The following VANGL1 variants were observed in gnomAD, a reference collection of about 807,000 sequenced individuals.
VANGL1 encodes the protein vang-like protein 1.
In VANGL1, 18 loss-of-function variants were observed where a neutral mutation model predicts 48.4. The observed-to-expected ratio is 0.37, with a 90% CI of 0.26 to 0.55. The LOEUF is 0.55. VANGL1 is among the 20% of genes least tolerant of loss of function. The probability of loss-of-function intolerance (pLI) is 0.81; values close to 1 mark genes in which losing one functional copy is unlikely to be tolerated. For missense variants in VANGL1, 667 were observed against 675.8 expected (o/e 0.99, Z 0.14); for synonymous variants, 257 against 261.8 (o/e 0.98, Z 0.18).
chr1:115,674,167 C>T (rs1653082664), intron 4 of VANGL1, among the ~76,000 whole-genome samples: 1 of 152,204 alleles, frequency 6.6e-6, no homozygotes, highest in Admixed American at 6.5e-5. Flanking sequence ...TGCTTTACAG[C>T]CTGTTGTCCC....
intron 4 of VANGL1, among the ~76,000 whole-genome samples, chr1:115,680,316 A>G (rs1208936607): frequency 6.6e-6 from 1 of 152,164 alleles, no homozygotes; most frequent in Non-Finnish European, 1.5e-5. Flanking sequence ...ACTCAGCCCC[A>G]CGTGTTCCAG....
intron 2 of VANGL1, among the ~76,000 whole-genome samples, chr1:115,655,819 A>G (rs1390037175): frequency 6.6e-6 from 1 of 152,120 alleles, no homozygotes; most frequent in Non-Finnish European, 1.5e-5. Context: ...GGCATCTGGA[A>G]CTACAGGGAT....
At chr1:115,682,606 G>A in intron 5 of VANGL1, 109 bp downstream of exon 5, 1 of 1,516,246 alleles carries the variant, frequency 6.6e-7, no homozygotes, top group Non-Finnish European at 9.1e-7. Context: ...TACCTTTATG[G>A]TACATTCTTG....
At chr1:115,666,274 C>G (rs1024778925) in intron 4 of VANGL1, among the ~76,000 whole-genome samples, 8 of 152,186 alleles carry the variant, frequency 5.3e-5, no homozygotes, top group Non-Finnish European at 8.8e-5. Flanking sequence ...ATAGGTCATG[C>G]AGGGTGGTGG....
intron 3 of VANGL1, 73 bp downstream of exon 3, chr1:115,659,846 G>A: frequency 6.3e-7 from 1 of 1,599,848 alleles, no homozygotes; most frequent in Non-Finnish European, 8.6e-7. Context: ...TTTTCCTTAG[G>A]TTCTCTTGGA....
rs1232854231 is a variant in VANGL1 at position 115,647,142 on chromosome 1, T to A, written c.-137-4135T>A. Among the ~76,000 whole-genome samples, 15 of 152,246 alleles carry A rather than the reference T, an allele frequency of 9.9e-5. 1 individual carries two copies. Among genetic ancestry groups the A allele is most frequent in the Admixed American group, 9.8e-4 (15 of 15,288 alleles). The stretch of plus-strand genomic sequence containing the variant: ...AGGGAAGTGACGTCTGCATTGTAAT[T>A]TAAAAGGTCACTCTGGCTGCTGCCC... On this transcript the variant is annotated intron_variant, in intron 1 of 7. Coordinates refer to ENST00000355485, the MANE Select transcript of VANGL1 (RefSeq NM_138959.3).
rs1189252267 is a variant in VANGL1 at position 115,696,697 on chromosome 1, C to T, written c.*5318C>T. The T allele has an allele frequency of 2.6e-5, 4 of 152,168 alleles. No homozygotes were observed. Among genetic ancestry groups the T allele is most frequent in the East Asian group, 1.9e-4 (1 of 5,200 alleles). The allele number at this position is 152,168 out of a possible 1,614,324, so 9.4% of individuals were successfully genotyped here. On this transcript the variant is annotated 3_prime_UTR_variant, in exon 8 of 8. Transcript: ENST00000355485. ...ACGTAGATAACCCAATTTGTTTTGT[C>T]TATGAAATAAGCCTCTTTAGTGGGT...
At chr1:115,681,258 C>T (rs941504064) in intron 4 of VANGL1, among the ~76,000 whole-genome samples, 18 of 152,270 alleles carry the variant, frequency 1.2e-4, no homozygotes, top group Admixed American at 5.9e-4. Flanking sequence ...TATTCTTTTG[C>T]TGTCTATACT....
chr1:115,667,815 C>T (rs944144820), intron 4 of VANGL1, among the ~76,000 whole-genome samples: 1 of 152,140 alleles, frequency 6.6e-6, no homozygotes, highest in Non-Finnish European at 1.5e-5. Context: ...ATAGAAGAGC[C>T]TAAAAATTGG....
In VANGL1 at chr1:115,651,460, A is replaced by G. The variant is rs958072438; in HGVS notation, c.47A>G (p.His16Arg). 6.2e-7 allele frequency: 1 copy of G among 1,614,128 alleles called. No individual in the cohort carries two copies. Residue 16 changes from histidine to arginine, a missense_variant, in exon 2 of 8, where the codon CAT becomes CGT. By Grantham distance (29) the His-to-Arg change is conservative. Transcript: ENST00000355485. ...TYSGYSYYSS[H>R]SKKSHRQGER... ...TCTGGATATTCTTACTATTCAAGTC[A>G]TTCGAAAAAATCTCACAGACAAGGG...
At chr1:115,690,807 G>A (rs1653801689) in intron 7 of VANGL1, among the ~76,000 whole-genome samples, 1 of 152,202 alleles carries the variant, frequency 6.6e-6, no homozygotes, top group Admixed American at 6.5e-5. Flanking sequence ...ATGGAGTGAT[G>A]CAGCCATGAC....
At position 115,698,143 on chromosome 1, in the gene VANGL1, T is replaced by C. The variant is rs1044703621; in HGVS notation, c.*6764T>C. The C allele has an allele frequency of 6.6e-6, 1 of 151,136 alleles. No individual in the cohort carries two copies. Among genetic ancestry groups the C allele is most frequent in the Non-Finnish European group, 1.5e-5 (1 of 67,810 alleles). 9.4% of individuals were successfully genotyped at this position (151,136 alleles called of 1,614,324 possible). A position where few individuals can be genotyped will look rare whatever the true frequency, so the allele number is the denominator to read the frequency against. On this transcript the variant is annotated 3_prime_UTR_variant, in exon 8 of 8. Coordinates refer to ENST00000355485, the MANE Select transcript of VANGL1 (RefSeq NM_138959.3). ...TGGGTCCTCCAGTATAATCCCCCCC[T>C]CATCCCAATTAACTGTAAAATGTTT...
chr1:115,684,194 A>G, intron 6 of VANGL1, 118 bp downstream of exon 6: 1 of 1,122,174 alleles, frequency 8.9e-7, no homozygotes, highest in Non-Finnish European at 1.2e-6. Context: ...GCTGGAGTGC[A>G]GTGGCAAGAT....
chr1:115,688,532 T>C (rs1447945929), intron 7 of VANGL1, among the ~76,000 whole-genome samples: 1 of 138,504 alleles, frequency 7.2e-6, no homozygotes, highest in Non-Finnish European at 1.6e-5. Flanking sequence ...TTAAACAGCA[T>C]TGTGGTGAAT....
At chr1:115,658,160 T>C (rs925805841) in intron 2 of VANGL1, among the ~76,000 whole-genome samples, 4 of 152,218 alleles carry the variant, frequency 2.6e-5, no homozygotes, top group African/African-American at 9.6e-5. Flanking sequence ...CACTGAAAGA[T>C]TCCCTTGGCC....
chr1:115,663,495 TC>T, intron 3 of VANGL1, among the ~76,000 whole-genome samples, 165 bp from the exon 4 acceptor site: 1 of 152,278 alleles, frequency 6.6e-6, no homozygotes, highest in African/African-American at 2.4e-5. Flanking sequence ...TCAATGAAAA[TC>T]GTTTGAGTTA....
chr1:115,694,879 G>A lies in VANGL1; in HGVS notation c.*3500G>A, dbSNP rs772796658. 6.6e-6 allele frequency: 1 copy of A among 152,166 alleles called. No individual in the cohort carries two copies. The highest frequency in any genetic ancestry group is 2.4e-5 in the African/African-American group (1 of 41,426). 9.4% of individuals were successfully genotyped at this position (152,166 alleles called of 1,614,324 possible). On this transcript the variant is annotated 3_prime_UTR_variant, in exon 8 of 8. Transcript: ENST00000355485. ...TAGCTCAGCAGATACGTGTCATTGT[G>A]TATATAGCTGAGTGTGTGAGGGTGT...
At chr1:115,655,863 A>ACCT (rs1652325485) in intron 2 of VANGL1, among the ~76,000 whole-genome samples, 1 of 152,194 alleles carries the variant, frequency 6.6e-6, no homozygotes, top group African/African-American at 2.4e-5. Context: ...TGAGGTGGCC[A>ACCT]CACTGTGACC....
Position 115,691,443 on chromosome 1 carries a change from G to T in VANGL1, c.*64G>T. On this transcript the variant is annotated 3_prime_UTR_variant, in exon 8 of 8. Coordinates refer to ENST00000355485, the MANE Select transcript of VANGL1 (RefSeq NM_138959.3). ...AATATATAGAGAGATATATATCTAT[G>T]CCAGAGGGGTGTCTTTTTTAAAAAT... The T allele has an allele frequency of 2.0e-6, 3 of 1,505,880 alleles. No homozygotes were observed. The highest frequency in any genetic ancestry group is 2.7e-6 in the Non-Finnish European group (3 of 1,120,088). 93.3% of individuals were successfully genotyped at this position (1,505,880 alleles called of 1,614,324 possible). A position where few individuals can be genotyped will look rare whatever the true frequency, so the allele number is the denominator to read the frequency against.
Sources: allele counts gnomAD v4.1 joint callset (sites outside exome capture counted in the v4.1 genomes callset), GRCh38; gene constraint gnomAD v4.1.1; transcripts MANE v1.5; gene names NCBI Gene and HGNC (gene_info 2026-07-23, HGNC 2026-07-21).